MMS19: variants seen among roughly 807,000 people sequenced by gnomAD.
MMS19 encodes MMS19 cytosolic iron-sulfur assembly component.
A neutral mutation model predicts 129.8 loss-of-function variants in MMS19; 77 were observed. That is an observed-to-expected ratio of 0.59 (90% CI 0.49 to 0.72). MMS19 has a LOEUF of 0.72. Among genes scored for constraint, MMS19 ranks in the 30% least tolerant of loss-of-function variants. The probability of loss-of-function intolerance (pLI) is 0.00; values close to 1 mark genes in which losing one functional copy is unlikely to be tolerated. For missense variants in MMS19, 1,168 were observed against 1,266.3 expected (o/e 0.92, Z 1.18); for synonymous variants, 491 against 502.8 (o/e 0.98, Z 0.31).
At chr10:97,480,827 A>G (rs917263987) in intron 3 of MMS19, 115 bp downstream of exon 3, 8 of 720,598 alleles carry the variant, frequency 1.1e-5, no homozygotes, top group Non-Finnish European at 2.0e-5. Flanking sequence ...ACCTTGAATT[A>G]GTAGTTCATA....
At chr10:97,470,003 C>T in intron 10 of MMS19, 126 bp downstream of exon 10, 2 of 734,880 alleles carry the variant, frequency 2.7e-6, no homozygotes, top group East Asian at 2.7e-5. Context: ...GACACAAAGG[C>T]CCAAATCCTG....
At chr10:97,480,469 A>G (rs989537299) in intron 3 of MMS19, 1 of 371,626 alleles carries the variant, frequency 2.7e-6, no homozygotes, top group African/African-American at 2.1e-5. Context: ...CAGGACCTCA[A>G]AGCATGCCGA....
intron 8 of MMS19, among the ~76,000 whole-genome samples, chr10:97,475,075 G>A (rs1396030047): frequency 6.6e-6 from 1 of 152,154 alleles, no homozygotes; most frequent in Admixed American, 6.5e-5. Flanking sequence ...AATCCACAGA[G>A]GACTAGTGAA....
chr10:97,478,192 C>A, intron 4 of MMS19, 112 bp downstream of exon 4: 1 of 834,496 alleles, frequency 1.2e-6, no homozygotes. Flanking sequence ...TTTAGTCCCA[C>A]ACTTGGGCAC....
Position 97,459,709 on chromosome 10 carries a change from G to GA in MMS19, c.2688dup (p.His897SerfsTer4). 6.2e-7 allele frequency: 1 copy of GA among 1,612,542 alleles called. No individual in the cohort carries two copies. Among genetic ancestry groups the GA allele is most frequent in the Admixed American group, 1.7e-5 (1 of 59,768 alleles). ...GGCTTGGGCAGCCTGTTAAGTACATGAGAAAGACCCTTCAAGTAGTTTGGC... is the reference window on the plus strand; with the variant it reads ...GGCTTGGGCAGCCTGTTAAGTACATGAAGAAAGACCCTTCAAGTAGTTTGGC... On this transcript the variant is annotated frameshift_variant, in exon 27 of 31. Transcript: ENST00000438925. LOFTEE classifies it high-confidence loss of function.
chr10:97,469,997 C>G, intron 10 of MMS19, 132 bp downstream of exon 10: 2 of 712,792 alleles, frequency 2.8e-6, no homozygotes, highest in South Asian at 1.8e-5. Flanking sequence ...CAGGTCGACA[C>G]AAAGGCCCAA....
intron 3 of MMS19, among the ~76,000 whole-genome samples, chr10:97,479,159 T>C (rs974370110): frequency 1.3e-5 from 2 of 152,192 alleles, no homozygotes; most frequent in African/African-American, 4.8e-5. Context: ...TTCTTGCCTA[T>C]TAAACTCTCC....
At chr10:97,476,191 T>C (rs141641877) in intron 8 of MMS19, among the ~76,000 whole-genome samples, 6 of 152,346 alleles carry the variant, frequency 3.9e-5, no homozygotes, top group East Asian at 1.9e-4. Flanking sequence ...CTGTGCACAA[T>C]TGTGCCTTCT....
intron 8 of MMS19, among the ~76,000 whole-genome samples, chr10:97,472,808 T>C (rs1030267298): frequency 1.3e-5 from 2 of 152,120 alleles, no homozygotes; most frequent in African/African-American, 4.8e-5. Context: ...GGTTTTGCCA[T>C]GGTGCCCGGG....
intron 1 of MMS19, among the ~76,000 whole-genome samples, chr10:97,490,580 T>C (rs1437162553): frequency 6.6e-6 from 1 of 152,228 alleles, no homozygotes; most frequent in East Asian, 1.9e-4. Flanking sequence ...CTAATCCACC[T>C]ACCTCTAAAT....
In MMS19 at chr10:97,493,993, C is replaced by T. The variant is rs139285539; in HGVS notation, c.112+4280G>A. Among the ~76,000 whole-genome samples, 7 of 152,266 alleles carry T rather than the reference C, an allele frequency of 4.6e-5. No individual in the cohort carries two copies. The East Asian group carries it at 1.3e-3, about 29-fold the overall frequency. ...TCGCACCATTGCACTCCAGCCTGGG[C>T]AACAGAGCAAAACTCCATCTCAAAA... On this transcript the variant is annotated intron_variant, in intron 1 of 30. Transcript: ENST00000438925.
At chr10:97,477,129 ACAC>A in intron 6 of MMS19, 166 bp from the exon 7 acceptor site, 1 of 1,491,152 alleles carries the variant, frequency 6.7e-7, no homozygotes, top group Non-Finnish European at 8.9e-7. Context: ...GCAACAATAT[ACAC>A]ATTGCTGTGG....
intron 8 of MMS19, among the ~76,000 whole-genome samples, chr10:97,474,439 T>G (rs573627131): frequency 9.9e-5 from 15 of 151,990 alleles, no homozygotes; most frequent in Admixed American, 8.5e-4. Flanking sequence ...TCCCAGCTAT[T>G]CAGGTGGCTG....
chr10:97,491,142 A>G (rs1427778765), intron 1 of MMS19, among the ~76,000 whole-genome samples: 2 of 152,206 alleles, frequency 1.3e-5, no homozygotes, highest in African/African-American at 4.8e-5. Flanking sequence ...CTAAAAACTA[A>G]TTTCAATAAT....
intron 1 of MMS19, among the ~76,000 whole-genome samples, chr10:97,492,306 T>TA (rs931733884): frequency 3.0e-4 from 44 of 147,890 alleles, no homozygotes; most frequent in Non-Finnish European, 3.7e-4. Context: ...CTGTCTCTAC[T>TA]AAAAAAAAAT....
upstream of MMS19, chr10:97,498,463 A>G: frequency 1.3e-6 from 2 of 1,526,366 alleles, no homozygotes; most frequent in Non-Finnish European, 1.8e-6. Context: ...TCCCGAGCCA[A>G]TCTCCGGGGA....
chr10:97,475,211 AGTGT>A (rs10590709), intron 8 of MMS19, among the ~76,000 whole-genome samples: 40 of 150,690 alleles, frequency 2.7e-4, no homozygotes, highest in Non-Finnish European at 4.6e-4. Flanking sequence ...GTACAGGAGA[AGTGT>A]GTGTGTGTGT....
At chr10:97,494,871 T>C (rs537275964) in intron 1 of MMS19, among the ~76,000 whole-genome samples, 1 of 152,210 alleles carries the variant, frequency 6.6e-6, no homozygotes, top group East Asian at 1.9e-4. Context: ...CATTTCTCAT[T>C]GCATTCACTC....
rs1474143964 is a variant in MMS19 at position 97,458,684 on chromosome 10, C to T, written c.*8G>A. ...ATTGTCAGAACAGTCTAGGCCAGGACTGAGGGCTCAGCTGCCAGGGCTCCC... is the reference window on the plus strand; with the variant it reads ...ATTGTCAGAACAGTCTAGGCCAGGATTGAGGGCTCAGCTGCCAGGGCTCCC... On this transcript the variant is annotated 3_prime_UTR_variant, in exon 31 of 31. Transcript: ENST00000438925. 1 of 1,606,428 alleles carries T rather than the reference C, an allele frequency of 6.2e-7. No individual in the cohort carries two copies. Among genetic ancestry groups the T allele is most frequent in the Non-Finnish European group, 8.5e-7 (1 of 1,176,284 alleles).
Sources: allele counts gnomAD v4.1 joint callset (sites outside exome capture counted in the v4.1 genomes callset), GRCh38; gene constraint gnomAD v4.1.1; transcripts MANE v1.5; gene names NCBI Gene and HGNC (gene_info 2026-07-23, HGNC 2026-07-21).